The following HS2ST1 variants were observed in gnomAD, a reference collection of about 807,000 sequenced individuals.
HS2ST1 encodes heparan sulfate 2-O-sulfotransferase 1.
In HS2ST1, 18 loss-of-function variants were observed where a neutral mutation model predicts 42.9. The ratio of observed to expected loss-of-function variants is 0.42; its 90% confidence interval spans 0.29 to 0.62. The LOEUF (loss-of-function observed/expected upper bound fraction) is 0.62. Ranked by LOEUF, HS2ST1 falls within the 20% of genes least tolerant of loss-of-function variation. The pLI is 0.21. For missense variants in HS2ST1, 334 were observed against 433.8 expected, an observed-to-expected ratio of 0.77 and a Z score of 2.04; for synonymous variants, 146 against 152.9, an observed-to-expected ratio of 0.95 and a Z score of 0.33.
chr1:86,963,755 C>CG (rs1182145187), intron 1 of HS2ST1, among the ~76,000 whole-genome samples: 1 of 123,464 alleles, frequency 8.1e-6, no homozygotes, highest in Non-Finnish European at 1.8e-5. Context: ...CCCCCCCCCC[C>CG]ACCTCCCGGA....
At chr1:87,022,131 GA>G (rs1307073177) in intron 1 of HS2ST1, among the ~76,000 whole-genome samples, 3 of 151,908 alleles carry the variant, frequency 2.0e-5, no homozygotes, top group Non-Finnish European at 2.9e-5. Context: ...ATTTTAATTT[GA>G]AAAAAACAGT....
At chr1:86,917,518 C>CAAAA (rs5775926) in intron 1 of HS2ST1, among the ~76,000 whole-genome samples, 126 of 131,492 alleles carry the variant, frequency 9.6e-4, no homozygotes, top group Non-Finnish European at 1.4e-3. Context: ...GACTCAGTCT[C>CAAAA]AAAAAAAAAA....
intron 1 of HS2ST1, among the ~76,000 whole-genome samples, chr1:86,996,836 T>C (rs114786992): frequency 0.012 from 1,902 of 152,274 alleles, 47 homozygotes; most frequent in African/African-American, 0.044. Flanking sequence ...CATAGCAGAT[T>C]TGAAAAGGAA....
chr1:87,094,618 G>C (rs1652021115), intron 4 of HS2ST1, among the ~76,000 whole-genome samples: 1 of 152,036 alleles, frequency 6.6e-6, no homozygotes, highest in Non-Finnish European at 1.5e-5. Context: ...GAAAAGAAGA[G>C]AAGAAATGCA....
Position 87,106,570 on chromosome 1 carries a change from G to A in HS2ST1, c.*1874G>A, listed in dbSNP as rs1007057391. ...TATGAGAAAACATTTATAAACAAAA[G>A]AAACATTTATAAACTAAAGAAAAAC... On this transcript the variant is annotated 3_prime_UTR_variant, in exon 7 of 7. Transcript: ENST00000370550. 6 of 151,902 alleles carry A rather than the reference G, an allele frequency of 3.9e-5. No individual in the cohort carries two copies. Among genetic ancestry groups the A allele is most frequent in the Non-Finnish European group, 7.4e-5 (5 of 67,890 alleles). The allele number at this position is 151,902 out of a possible 1,614,324, so 9.4% of individuals were successfully genotyped here.
chr1:87,091,180 A>T (rs746964871), intron 3 of HS2ST1, among the ~76,000 whole-genome samples: 1 of 152,006 alleles, frequency 6.6e-6, no homozygotes, highest in Non-Finnish European at 1.5e-5. Context: ...ATATCTGGCA[A>T]TATTGGGTTC....
In HS2ST1 at chr1:87,062,219, C is replaced by A. The variant is rs1300798606; in HGVS notation, c.125-10715C>A. Among the ~76,000 whole-genome samples, 5 of 151,976 alleles carry A rather than the reference C, an allele frequency of 3.3e-5. No homozygotes were observed. The South Asian group carries it at 6.2e-4, about 19-fold the overall frequency. ...ATGTCAATGTATTTTTAAAATTTCC[C>A]TTGACATTTCTATTTATTTGTCTTC... On this transcript the variant is annotated intron_variant, in intron 1 of 6. Coordinates refer to ENST00000370550, the MANE Select transcript of HS2ST1 (RefSeq NM_012262.4).
chr1:87,102,734 C>T (rs1405389097), intron 5 of HS2ST1, among the ~76,000 whole-genome samples: 1 of 152,060 alleles, frequency 6.6e-6, no homozygotes, highest in Non-Finnish European at 1.5e-5. Flanking sequence ...ACCAATTAAT[C>T]ACTGTTCCCC....
intron 1 of HS2ST1, among the ~76,000 whole-genome samples, chr1:87,033,488 T>C (rs1650290794): frequency 6.6e-6 from 1 of 152,226 alleles, no homozygotes; most frequent in Admixed American, 6.5e-5. Flanking sequence ...TGAAATTATC[T>C]TCTTTCTCTA....
intron 1 of HS2ST1, among the ~76,000 whole-genome samples, chr1:86,962,479 C>T (rs1010587813): frequency 3.2e-4 from 48 of 152,300 alleles, no homozygotes; most frequent in African/African-American, 1.1e-3. Context: ...ATTACAAAAA[C>T]AGTAACCTAA....
At chr1:87,033,668 C>G (rs1281529151) in intron 1 of HS2ST1, among the ~76,000 whole-genome samples, 1 of 151,984 alleles carries the variant, frequency 6.6e-6, no homozygotes, top group East Asian at 1.9e-4. Flanking sequence ...TTCAGCCTCC[C>G]CAGTAGTTGG....
At chr1:86,978,287 C>T (rs1648481327) in intron 1 of HS2ST1, among the ~76,000 whole-genome samples, 1 of 152,142 alleles carries the variant, frequency 6.6e-6, no homozygotes. Context: ...TCTTACAGAA[C>T]CCTAAATATT....
chr1:86,968,829 A>G (rs570918744), intron 1 of HS2ST1, among the ~76,000 whole-genome samples: 1 of 152,320 alleles, frequency 6.6e-6, no homozygotes, highest in East Asian at 1.9e-4. Context: ...CCAAGAAATC[A>G]TATTTTTGGG....
At chr1:87,085,497 A>G (rs916562161) in intron 3 of HS2ST1, among the ~76,000 whole-genome samples, 7 of 152,222 alleles carry the variant, frequency 4.6e-5, no homozygotes, top group Admixed American at 2.0e-4. Flanking sequence ...TTCCTCTCAT[A>G]GTACTCAAGA....
chr1:87,042,291 C>T (rs535776152), intron 1 of HS2ST1, among the ~76,000 whole-genome samples: 11 of 152,214 alleles, frequency 7.2e-5, no homozygotes, highest in African/African-American at 2.6e-4. Context: ...TTCATTGTTT[C>T]CTTTGCTATG....
intron 1 of HS2ST1, among the ~76,000 whole-genome samples, chr1:86,947,153 G>A (rs1416765511): frequency 2.0e-5 from 3 of 152,200 alleles, no homozygotes; most frequent in African/African-American, 7.2e-5. Flanking sequence ...CCACATTTTT[G>A]CTCCAGAGGG....
chr1:87,060,166 G>T (rs1353731635), intron 1 of HS2ST1, among the ~76,000 whole-genome samples: 1 of 152,090 alleles, frequency 6.6e-6, no homozygotes, highest in African/African-American at 2.4e-5. Flanking sequence ...AAGTTGCAAA[G>T]ATAGTACAGC....
intron 1 of HS2ST1, among the ~76,000 whole-genome samples, chr1:86,929,898 C>G (rs1557483169): frequency 6.6e-6 from 1 of 151,746 alleles, no homozygotes; most frequent in Non-Finnish European, 1.5e-5. Flanking sequence ...CACTCAAATA[C>G]AGAACAGTAT....
intron 1 of HS2ST1, among the ~76,000 whole-genome samples, chr1:86,936,699 G>A (rs956426123): frequency 1.6e-4 from 24 of 152,054 alleles, no homozygotes; most frequent in East Asian, 1.9e-4. Flanking sequence ...GCATTTAACC[G>A]TTCTTTTATA....
Sources: allele counts gnomAD v4.1 joint callset (sites outside exome capture counted in the v4.1 genomes callset), GRCh38; gene constraint gnomAD v4.1.1; transcripts MANE v1.5; gene names NCBI Gene and HGNC (gene_info 2026-07-23, HGNC 2026-07-21).